PLCB1: variants seen among roughly 807,000 people sequenced by gnomAD.
The protein encoded by PLCB1 is 1-phosphatidylinositol 4,5-bisphosphate phosphodiesterase beta-1.
PLCB1 carries 46 observed loss-of-function variants against 161.8 expected under a neutral mutation model. The observed-to-expected ratio is 0.28, with a 90% CI of 0.22 to 0.36. The LOEUF is 0.36. PLCB1 is among the 10% of genes least tolerant of loss of function. PLCB1 has a pLI of 1.00. For synonymous variants in PLCB1, 517 were observed against 503.7 expected (o/e 1.03, Z -0.35); for missense variants, 1,016 against 1,472.5 (o/e 0.69, Z 5.07).
intron 31 of PLCB1, among the ~76,000 whole-genome samples, chr20:8,834,431 GA>G (rs1986177777): frequency 1.3e-5 from 2 of 152,010 alleles, no homozygotes; most frequent in Non-Finnish European, 2.9e-5. Flanking sequence ...GTATGTGTAT[GA>G]GATTTATTGC....
chr20:8,622,305 A>C (rs1988208665), intron 3 of PLCB1, among the ~76,000 whole-genome samples: 1 of 152,124 alleles, frequency 6.6e-6, no homozygotes, highest in African/African-American at 2.4e-5. Flanking sequence ...AATTCTTTCA[A>C]TTATAGATCC....
Position 8,774,584 on chromosome 20 carries a change from A to T in PLCB1, c.2976A>T (p.Gln992His), listed in dbSNP as rs1443621692. 2.5e-6 allele frequency: 4 copies of T among 1,613,940 alleles called. No homozygotes were observed. The highest frequency in any genetic ancestry group is 3.4e-6 in the Non-Finnish European group (4 of 1,179,832). ...SPDHGSSTIE[Q>H]DLAALDAEMT... is the part of the protein sequence containing the mutation. ...ATCATGGTTCATCAACGATTGAGCAAGACCTCGCTGCTCTGGATGCTGAAA... is the reference window on the plus strand; with the variant it reads ...ATCATGGTTCATCAACGATTGAGCATGACCTCGCTGCTCTGGATGCTGAAA... The change falls in exon 27 of 32, where the codon CAA (glutamine) becomes CAT (histidine). Residue 992 changes from glutamine (Q) to histidine (H), a missense_variant. Physicochemically the swap from Gln to His is conservative, Grantham distance 24. Transcript: ENST00000338037.
chr20:8,768,043 A>G (rs1271392500), intron 26 of PLCB1, among the ~76,000 whole-genome samples: 2 of 151,850 alleles, frequency 1.3e-5, no homozygotes, highest in Non-Finnish European at 2.9e-5. Flanking sequence ...GGTGGCACAC[A>G]CCTGTAATCC....
At chr20:8,329,567 T>A (rs1194018983) in intron 2 of PLCB1, among the ~76,000 whole-genome samples, 1 of 152,176 alleles carries the variant, frequency 6.6e-6, no homozygotes, top group Non-Finnish European at 1.5e-5. Context: ...TCCTTTCAAT[T>A]TCCAGAAAAT....
At chr20:8,606,844 A>G (rs935968768) in intron 3 of PLCB1, among the ~76,000 whole-genome samples, 18 of 152,198 alleles carry the variant, frequency 1.2e-4, no homozygotes, top group Non-Finnish European at 1.0e-4. Flanking sequence ...AAGTATTTCA[A>G]GGTCTTTCTT....
At chr20:8,851,758 A>G (rs1986895293) in intron 31 of PLCB1, among the ~76,000 whole-genome samples, 1 of 144,602 alleles carries the variant, frequency 6.9e-6, no homozygotes, top group African/African-American at 2.6e-5. Context: ...TCTGAGTGTC[A>G]TCATTTAGGA....
At chr20:8,786,251 C>T (rs1437905172) in intron 27 of PLCB1, among the ~76,000 whole-genome samples, 1 of 152,090 alleles carries the variant, frequency 6.6e-6, no homozygotes, top group African/African-American at 2.4e-5. Flanking sequence ...CAGGAGACCC[C>T]AAGGAAATGG....
At chr20:8,759,295 GA>G (rs1339125388) in intron 24 of PLCB1, among the ~76,000 whole-genome samples, 5 of 152,154 alleles carry the variant, frequency 3.3e-5, no homozygotes, top group African/African-American at 1.2e-4. Flanking sequence ...CATCACTGAT[GA>G]TATGGGATCA....
At chr20:8,730,927 C>T (rs73081941) in intron 18 of PLCB1, among the ~76,000 whole-genome samples, 27,696 of 151,540 alleles carry the variant, frequency 0.18, 3,062 homozygotes, top group South Asian at 0.27. Context: ...TCTTTCTAAA[C>T]TCTTATAATA....
rs1484356721 is a variant in PLCB1, at chr20:8,815,838, A to G, written c.3423+25577A>G. 2.6e-5 allele frequency among the ~76,000 whole-genome samples: 4 copies of G among 152,240 alleles called. No homozygotes were observed. In the East Asian group the frequency reaches 7.7e-4, roughly 29 times the overall value. On this transcript the variant is annotated intron_variant, in intron 31 of 31. Transcript: ENST00000338037. ...TAGTGTTTAAAATTTGAAAATCAAT[A>G]GTTTTCCTCTATAGCATCAATAATA...
chr20:8,841,761 G>A (rs1376409516), intron 31 of PLCB1, among the ~76,000 whole-genome samples: 2 of 152,188 alleles, frequency 1.3e-5, no homozygotes, highest in Non-Finnish European at 2.9e-5. Context: ...TTTGTGTCAG[G>A]GAGCTGTCAG....
At chr20:8,849,575 C>T (rs140953630) in intron 31 of PLCB1, among the ~76,000 whole-genome samples, 55 of 152,188 alleles carry the variant, frequency 3.6e-4, no homozygotes, top group African/African-American at 1.3e-3. Context: ...ATGTGGGAGG[C>T]TGAGGCTGGA....
At chr20:8,568,760 G>T (rs80335416) in intron 3 of PLCB1, among the ~76,000 whole-genome samples, 4,780 of 152,152 alleles carry the variant, frequency 0.031, 117 homozygotes, top group Non-Finnish European at 0.045. Context: ...TCATTTGATG[G>T]CTCTCTTAAG....
At chr20:8,831,878 C>A (rs1047912531) in intron 31 of PLCB1, among the ~76,000 whole-genome samples, 2 of 138,718 alleles carry the variant, frequency 1.4e-5, no homozygotes, top group African/African-American at 5.1e-5. Context: ...AATTTTCTTT[C>A]TTTCTTTCTC....
intron 3 of PLCB1, among the ~76,000 whole-genome samples, chr20:8,395,609 G>A (rs555095869): frequency 6.6e-6 from 1 of 152,074 alleles, no homozygotes; most frequent in East Asian, 1.9e-4. Flanking sequence ...TTTCACATGA[G>A]TTGGTGGTTT....
At chr20:8,189,099 T>A (rs1044332064) in intron 2 of PLCB1, among the ~76,000 whole-genome samples, 6 of 151,932 alleles carry the variant, frequency 3.9e-5, no homozygotes, top group African/African-American at 1.4e-4. Context: ...ACTGTTTCCT[T>A]CTAGGATTCC....
chr20:8,337,694 T>A (rs963908179), intron 2 of PLCB1, among the ~76,000 whole-genome samples: 2 of 152,200 alleles, frequency 1.3e-5, no homozygotes, highest in African/African-American at 2.4e-5. Flanking sequence ...GGGATTTCAA[T>A]GTTGGTTTGA....
chr20:8,382,110 T>G (rs1362808131), intron 3 of PLCB1, among the ~76,000 whole-genome samples: 3 of 152,102 alleles, frequency 2.0e-5, no homozygotes, highest in Non-Finnish European at 2.9e-5. Flanking sequence ...AGTTCCCTCT[T>G]AACACTGCTC....
chr20:8,774,617 A>G lies in PLCB1; in HGVS notation c.3009A>G (p.Gln1003=), dbSNP rs761097244. Residue 1003 remains glutamine (Q), a synonymous_variant, in exon 27 of 32, where the codon CAA becomes CAG. Transcript: ENST00000338037. ...DLAALDAEMT[Q]KLIDLKDKQQ... is the part of the protein sequence containing the mutation. ...CTGCTCTGGATGCTGAAATGACCCA[A>G]AAGTTAATAGACTTGAAGGACAAAC... 18 of 1,613,916 alleles carry G rather than the reference A, an allele frequency of 1.1e-5. No homozygotes were observed. The highest frequency in any genetic ancestry group is 1.4e-5 in the Non-Finnish European group (16 of 1,179,920).
Sources: allele counts gnomAD v4.1 joint callset (sites outside exome capture counted in the v4.1 genomes callset), GRCh38; gene constraint gnomAD v4.1.1; transcripts MANE v1.5; gene names NCBI Gene and HGNC (gene_info 2026-07-23, HGNC 2026-07-21).